Variants in NCOR2 observed in about 807,000 individuals in gnomAD.
NCOR2 encodes CTG repeat protein 26.
NCOR2 carries 81 observed loss-of-function variants against 262.9 expected under a neutral mutation model. The ratio of observed to expected loss-of-function variants is 0.31; its 90% CI spans 0.26 to 0.37. NCOR2 has a LOEUF of 0.37. NCOR2 is among the 10% of genes least tolerant of loss of function. The probability of loss-of-function intolerance (pLI) is 1.00; values close to 1 mark genes in which losing one functional copy is unlikely to be tolerated. For missense variants in NCOR2, 3,385 were observed against 3,621.4 expected (o/e 0.93, Z 1.68); for synonymous variants, 1,659 against 1,559.3 (o/e 1.06, Z -1.51).
In NCOR2 at chr12:124,396,502, C is replaced by T. The variant is rs555296239; in HGVS notation, c.1876+1617G>A. Among the ~76,000 whole-genome samples the T allele has an allele frequency of 2.0e-4, 29 of 144,104 alleles. 1 individual carries two copies. The highest frequency in any genetic ancestry group is 1.6e-3 in the Admixed American group (24 of 14,898). The allele number at this position is 144,104 out of a possible 152,430, so 94.5% of individuals were successfully genotyped here. ...CCTCTCTGGGGGCTGACAGCAGCCC[C>T]AGGCCCTACCAGCTGGATACAGTGC... is the stretch of plus-strand genomic sequence containing the variant. On this transcript the variant is annotated intron_variant, in intron 16 of 46. Coordinates refer to ENST00000405201, the Ensembl canonical transcript of NCOR2.
At chr12:124,431,539 CACAT>C (rs1193616315) in intron 8 of NCOR2, among the ~76,000 whole-genome samples, 2 of 150,544 alleles carry the variant, frequency 1.3e-5, no homozygotes, top group Admixed American at 6.6e-5. Context: ...TACACAGGCA[CACAT>C]ACATACAGGC....
At chr12:124,436,840 C>A (rs531905503) in intron 8 of NCOR2, among the ~76,000 whole-genome samples, 2 of 152,314 alleles carry the variant, frequency 1.3e-5, no homozygotes, top group Admixed American at 6.5e-5. Flanking sequence ...GTGATCCCAG[C>A]GCTTTGGGAG....
exon 4 of NCOR2, chr12:124,472,998 T>A: frequency 1.2e-6 from 2 of 1,614,188 alleles, no homozygotes; most frequent in Non-Finnish European, 1.7e-6. Flanking sequence ...CATGGTGATC[T>A]CTCGGTCCAC....
At chr12:124,346,695 C>A (rs748712433) in exon 31 of NCOR2, 2 of 1,571,866 alleles carry the variant, frequency 1.3e-6, no homozygotes, top group Non-Finnish European at 1.7e-6. Context: ...CCCTCATGGG[C>A]CGGCTTCAGC....
At position 124,443,565 on chromosome 12, in the gene NCOR2, C is replaced by T. The variant is rs1159458985; in HGVS notation, c.816-5569G>A. Among the ~76,000 whole-genome samples the T allele has an allele frequency of 6.6e-6, 1 of 152,220 alleles. No individual in the cohort carries two copies. Among genetic ancestry groups the T allele is most frequent in the East Asian group, 1.9e-4 (1 of 5,174 alleles). ...TCACCTAGGCTGGAGTGCAGTGGCG[C>T]AATCTCGGCTCACTGCAACCTCTGC... On this transcript the variant is annotated intron_variant, in intron 7 of 46. Coordinates refer to ENST00000405201, the Ensembl canonical transcript of NCOR2. This position sits in a 1 kb window ranked among gnomAD's most constrained non-coding sequence, Gnocchi z 4.4.
exon 42 of NCOR2, chr12:124,333,189 C>T (rs772322621): frequency 1.2e-5 from 20 of 1,613,002 alleles, no homozygotes; most frequent in Non-Finnish European, 1.5e-5. Flanking sequence ...TCCGGGAGTG[C>T]CCTGGCTCCG....
chr12:124,450,044 G>A (rs1211253322), intron 6 of NCOR2, among the ~76,000 whole-genome samples, 177 bp from the exon 9 acceptor site: 2 of 152,176 alleles, frequency 1.3e-5, no homozygotes, highest in Admixed American at 1.3e-4. Flanking sequence ...CCAGGAACAG[G>A]CTGAAACTGG....
intron 1 of NCOR2, among the ~76,000 whole-genome samples, chr12:124,546,179 A>C (rs2051537496): frequency 6.6e-6 from 1 of 152,156 alleles, no homozygotes; most frequent in South Asian, 2.1e-4. Context: ...AACCCTTCCG[A>C]GCCTGCCTGT....
rs577735004 is a variant in NCOR2, at chr12:124,353,535, C to T, written c.3693+558G>A. ...GCACGTGTGCAAGTGTGTGGACCCACGCTCTGTCACTGTGTTCTAGAGCCA... is the reference window on the plus strand; with the variant it reads ...GCACGTGTGCAAGTGTGTGGACCCATGCTCTGTCACTGTGTTCTAGAGCCA... On this transcript the variant is annotated intron_variant, in intron 27 of 46. Coordinates refer to ENST00000405201, the Ensembl canonical transcript of NCOR2. Among the ~76,000 whole-genome samples the T allele has an allele frequency of 5.9e-5, 9 of 152,350 alleles. No homozygotes were observed. In the South Asian group the frequency reaches 8.3e-4, roughly 14 times the overall value.
chr12:124,567,529 G>T (rs1427235996), upstream of NCOR2: 2 of 146,404 alleles, frequency 1.4e-5, no homozygotes, highest in Non-Finnish European at 3.0e-5. Context: ...CAGGGCTCGG[G>T]CGGGGCGCCG....
chr12:124,408,153 G>C (rs1180186904), intron 13 of NCOR2, among the ~76,000 whole-genome samples: 1 of 152,188 alleles, frequency 6.6e-6, no homozygotes, highest in Admixed American at 6.5e-5. Flanking sequence ...AGGAAATCGA[G>C]ACCATCCTGG....
At chr12:124,561,627 C>T (rs1348770964) in intron 1 of NCOR2, among the ~76,000 whole-genome samples, 5 of 152,060 alleles carry the variant, frequency 3.3e-5, no homozygotes, top group African/African-American at 7.2e-5. Context: ...ACGGACCAGC[C>T]CAGAGGGCAC....
At position 124,487,088 on chromosome 12, in the gene NCOR2, A is replaced by G. The variant is rs1037337148; in HGVS notation, c.106-520T>C. 5.3e-5 allele frequency among the ~76,000 whole-genome samples: 8 copies of G among 152,360 alleles called. No individual in the cohort carries two copies. In the South Asian group the frequency reaches 1.7e-3, roughly 32 times the overall value. On this transcript the variant is annotated intron_variant, in intron 1 of 46. Transcript: ENST00000405201. Reference sequence around the variant, plus strand: ...TGCAGGCCTGGGAAGACAGGACTGAAGGTGCATACGGGGCAGCATTATTTG... The same window carrying G: ...TGCAGGCCTGGGAAGACAGGACTGAGGGTGCATACGGGGCAGCATTATTTG...
intron 41 of NCOR2, among the ~76,000 whole-genome samples, chr12:124,334,028 G>GTGTGTGCGCGCATGTGTGTGT (rs1593094229): frequency 1.7e-4 from 26 of 149,988 alleles, no homozygotes; most frequent in Non-Finnish European, 2.1e-4. Flanking sequence ...GTGCATGTGT[G>GTGTGTGCGCGCATGTGTGTGT]GAAAGGCTGC....
intron 20 of NCOR2, among the ~76,000 whole-genome samples, chr12:124,368,658 G>A (rs1593243808): frequency 6.6e-6 from 1 of 152,210 alleles, no homozygotes; most frequent in Admixed American, 6.5e-5. Flanking sequence ...TTCCCAGGGG[G>A]TCTGGCTTTC....
intron 38 of NCOR2, chr12:124,335,874 C>T (rs765347264): frequency 3.8e-6 from 2 of 530,546 alleles, no homozygotes; most frequent in Non-Finnish European, 3.4e-6. Flanking sequence ...GAGGGAGACA[C>T]AGAGAGAGAT....
intron 12 of NCOR2, among the ~76,000 whole-genome samples, chr12:124,420,396 C>A (rs1162482203): frequency 1.3e-5 from 2 of 152,200 alleles, no homozygotes; most frequent in Non-Finnish European, 2.9e-5. Context: ...CGCCATGTCA[C>A]CCCCAGCCCT....
chr12:124,520,156 C>T (rs1233519089), intron 1 of NCOR2, among the ~76,000 whole-genome samples: 1 of 152,206 alleles, frequency 6.6e-6, no homozygotes, highest in Non-Finnish European at 1.5e-5. Flanking sequence ...CCCCAGGAAA[C>T]ACCCCTGGGG....
In NCOR2 at chr12:124,334,678, G is replaced by A; in HGVS notation, c.6412-61C>T. The A allele has an allele frequency of 3.4e-6, 3 of 891,202 alleles. 1 individual carries two copies. The highest frequency in any genetic ancestry group is 4.8e-6 in the Non-Finnish European group (3 of 627,254). The allele number at this position is 891,202 out of a possible 1,614,324, so 55.2% of individuals were successfully genotyped here. On this transcript the variant is annotated intron_variant, in intron 40 of 46. Coordinates refer to ENST00000405201, the Ensembl canonical transcript of NCOR2. ...ACTCTCCTGACAGAACCTTCTGGGGGTGGGGAGGGGCTAGACGGAGCTCGG... is the reference window on the plus strand; with the variant it reads ...ACTCTCCTGACAGAACCTTCTGGGGATGGGGAGGGGCTAGACGGAGCTCGG...
Sources: allele counts gnomAD v4.1 joint callset (sites outside exome capture counted in the v4.1 genomes callset), GRCh38; gene constraint gnomAD v4.1.1; non-coding constraint Gnocchi (gnomAD v3.1); transcripts MANE v1.5; gene names NCBI Gene and HGNC (gene_info 2026-07-23, HGNC 2026-07-21).